PDE11A: variants seen among roughly 807,000 people sequenced by gnomAD.
The protein encoded by PDE11A is phosphodiesterase 11A, also known as dual 3',5'-cyclic-AMP and -GMP phosphodiesterase 11A.
In PDE11A, 100 loss-of-function variants were observed where a neutral mutation model predicts 100.5. The ratio of observed to expected loss-of-function variants is 1.00; its 90% confidence interval spans 0.85 to 1.18. PDE11A has a LOEUF of 1.18. Among genes scored for constraint, PDE11A ranks in the 50% most tolerant of loss-of-function variants. The pLI is 0.00. For synonymous variants in PDE11A, 381 were observed against 420.8 expected (o/e 0.91, Z 1.16); for missense variants, 1,141 against 1,152.6 (o/e 0.99, Z 0.15).
rs1269886390 is a variant in PDE11A, at chr2:177,633,493, C to G, written c.2647-3931G>C. On this transcript the variant is annotated intron_variant, in intron 19 of 19. Coordinates refer to ENST00000286063, the MANE Select transcript of PDE11A (RefSeq NM_016953.4). ...GGGTGGGGGTTGAAAGCCCGATGTC[C>G]TTAAGACAGAGTATGTTCTGTCTCT... 3.3e-5 allele frequency among the ~76,000 whole-genome samples: 5 copies of G among 152,302 alleles called. No individual in the cohort carries two copies. In the South Asian group the frequency reaches 8.3e-4, roughly 25 times the overall value.
chr2:177,857,921 A>T (rs889296257), intron 5 of PDE11A, among the ~76,000 whole-genome samples: 2 of 151,692 alleles, frequency 1.3e-5, no homozygotes, highest in African/African-American at 2.4e-5. Context: ...AGTTTTTTTT[A>T]AAAAACGGTT....
At chr2:178,049,083 T>A (rs2086788755) in intron 1 of PDE11A, among the ~76,000 whole-genome samples, 1 of 152,228 alleles carries the variant, frequency 6.6e-6, no homozygotes, top group South Asian at 2.1e-4. Context: ...TAATAACAAA[T>A]ATTTGAATAT....
chr2:177,998,006 T>C (rs924503281), intron 2 of PDE11A: 14 of 1,224,230 alleles, frequency 1.1e-5, no homozygotes, highest in Non-Finnish European at 1.7e-5. Context: ...ACAGACCTTG[T>C]GGAATGGACA....
At chr2:178,055,097 C>T (rs2086881494) in intron 1 of PDE11A, among the ~76,000 whole-genome samples, 1 of 152,072 alleles carries the variant, frequency 6.6e-6, no homozygotes. Flanking sequence ...GGAACCAACC[C>T]AAATGTCCAT....
At chr2:178,015,020 A>T (rs1407233087) in intron 1 of PDE11A, among the ~76,000 whole-genome samples, 1 of 152,228 alleles carries the variant, frequency 6.6e-6, no homozygotes, top group African/African-American at 2.4e-5. Flanking sequence ...ATATTTTGCA[A>T]CTACCTATAT....
chr2:177,835,124 C>G (rs1324630038), intron 6 of PDE11A, among the ~76,000 whole-genome samples: 3 of 152,100 alleles, frequency 2.0e-5, no homozygotes, highest in Non-Finnish European at 2.9e-5. Flanking sequence ...TGCACTGACA[C>G]CTATCGATAG....
At chr2:177,977,719 T>C (rs1374481087) in intron 2 of PDE11A, among the ~76,000 whole-genome samples, 2 of 144,142 alleles carry the variant, frequency 1.4e-5, no homozygotes, top group Non-Finnish European at 3.1e-5. Flanking sequence ...CAAAACAGCA[T>C]GGTACTGGTA....
At chr2:177,693,306 A>G (rs1286401366) in intron 15 of PDE11A, among the ~76,000 whole-genome samples, 1 of 152,168 alleles carries the variant, frequency 6.6e-6, no homozygotes, top group Non-Finnish European at 1.5e-5. Context: ...CACAACATGG[A>G]AGTACATGAG....
At chr2:177,941,656 C>T (rs1418229733) in intron 2 of PDE11A, among the ~76,000 whole-genome samples, 1 of 152,136 alleles carries the variant, frequency 6.6e-6, no homozygotes, top group Non-Finnish European at 1.5e-5. Flanking sequence ...ACCAGCTGCC[C>T]TCTCCTTCCT....
At chr2:177,986,843 AAAG>A in intron 2 of PDE11A, among the ~76,000 whole-genome samples, 1 of 151,918 alleles carries the variant, frequency 6.6e-6, no homozygotes, top group Non-Finnish European at 1.5e-5. Flanking sequence ...AAAAAAAAAA[AAAG>A]AATGGGGATA....
chr2:178,098,206 T>C (rs2087519270), intron 2 of PDE11A, among the ~76,000 whole-genome samples: 1 of 152,202 alleles, frequency 6.6e-6, no homozygotes, highest in African/African-American at 2.4e-5. Flanking sequence ...CATTCAAGTG[T>C]AATAACAATC....
intron 7 of PDE11A, among the ~76,000 whole-genome samples, chr2:177,819,868 T>TTCTCTC (rs34374310): frequency 0.011 from 1,501 of 139,166 alleles, 28 homozygotes; most frequent in African/African-American, 0.034. Flanking sequence ...CTTTCTCTCT[T>TTCTCTC]TCTCTCTCTC....
At chr2:177,692,016 T>C (rs1049770342) in intron 15 of PDE11A, among the ~76,000 whole-genome samples, 4 of 152,204 alleles carry the variant, frequency 2.6e-5, no homozygotes, top group African/African-American at 9.6e-5. Flanking sequence ...CTTGAATCCA[T>C]GCTCCGGGGT....
chr2:177,848,749 C>T (rs1026526717), intron 5 of PDE11A, among the ~76,000 whole-genome samples: 2 of 151,936 alleles, frequency 1.3e-5, no homozygotes, highest in South Asian at 2.1e-4. Context: ...GTTGCAGAGT[C>T]GTGTAGGAGG....
intron 9 of PDE11A, among the ~76,000 whole-genome samples, chr2:177,814,085 T>C (rs1365887273): frequency 6.6e-6 from 1 of 152,134 alleles, no homozygotes; most frequent in African/African-American, 2.4e-5. Flanking sequence ...ACATGGCATT[T>C]GGCTTTCTCT....
At chr2:177,754,219 C>T (rs1301773641) in intron 10 of PDE11A, among the ~76,000 whole-genome samples, 2 of 152,164 alleles carry the variant, frequency 1.3e-5, no homozygotes, top group Non-Finnish European at 2.9e-5. Context: ...TGATGGTCCA[C>T]TGGAGGGAAA....
intron 5 of PDE11A, among the ~76,000 whole-genome samples, chr2:177,852,130 G>A (rs6725044): frequency 1.3e-4 from 20 of 152,196 alleles, no homozygotes; most frequent in Non-Finnish European, 2.6e-4. Context: ...TTTCAAGATC[G>A]AACTAACACA....
intron 2 of PDE11A, chr2:178,092,909 A>G (rs1375570715): frequency 6.6e-6 from 1 of 152,148 alleles, no homozygotes; most frequent in African/African-American, 2.4e-5. Flanking sequence ...TCCCAGGGAT[A>G]TATTTCTTTG....
chr2:177,959,440 T>C (rs1574308588), intron 2 of PDE11A, among the ~76,000 whole-genome samples: 1 of 152,164 alleles, frequency 6.6e-6, no homozygotes, highest in Non-Finnish European at 1.5e-5. Flanking sequence ...AGAGAATACA[T>C]AGTCATGGAG....
Sources: gnomAD v4.1 joint callset for allele counts (sites outside exome capture counted in the v4.1 genomes callset) on GRCh38, gnomAD v4.1.1 for gene constraint, MANE v1.5 for transcripts, NCBI Gene and HGNC (gene_info 2026-07-23, HGNC 2026-07-21) for gene names.